PTH2R: variants seen among roughly 807,000 people sequenced by gnomAD.
PTH2R encodes the protein PTH2 receptor.
A neutral mutation model predicts 60.3 loss-of-function variants in PTH2R; 59 were observed. That is an observed-to-expected ratio of 0.98 (90% CI 0.79 to 1.22). The LOEUF (loss-of-function observed/expected upper bound fraction) is 1.22. PTH2R is among the 50% of genes most tolerant of loss of function. The probability of loss-of-function intolerance (pLI) is 0.00; values close to 1 mark genes in which losing one functional copy is unlikely to be tolerated. For missense variants in PTH2R, 749 were observed against 682.6 expected (o/e 1.10, Z -1.08); for synonymous variants, 256 against 243.8 (o/e 1.05, Z -0.47).
In PTH2R at chr2:208,488,419, G is replaced by A. The variant is rs181794677; in HGVS notation, c.1077-593G>A. Reference sequence around the variant, plus strand: ...CTATGAAAGTAAAGGCAGTTAATCTGGATAGAAGTAACACTTCTTTAAGTC... The same window carrying A: ...CTATGAAAGTAAAGGCAGTTAATCTAGATAGAAGTAACACTTCTTTAAGTC... On this transcript the variant is annotated intron_variant, in intron 10 of 12. Transcript: ENST00000272847. 3.9e-5 allele frequency among the ~76,000 whole-genome samples: 6 copies of A among 152,268 alleles called. No individual in the cohort carries two copies. The South Asian group carries it at 6.2e-4, about 16-fold the overall frequency.
At chr2:208,457,303 G>T (rs1042017206) in intron 8 of PTH2R, among the ~76,000 whole-genome samples, 47 of 152,164 alleles carry the variant, frequency 3.1e-4, no homozygotes, top group Admixed American at 2.8e-3. Context: ...ACAGATACAT[G>T]TAAACAATGC....
intron 1 of PTH2R, among the ~76,000 whole-genome samples, chr2:208,418,534 C>T (rs372766354): frequency 2.0e-5 from 3 of 151,836 alleles, no homozygotes; most frequent in African/African-American, 4.8e-5. Flanking sequence ...TAACACCCAT[C>T]CATGAAAGAA....
chr2:208,473,005 A>G (rs1702919376), intron 9 of PTH2R, among the ~76,000 whole-genome samples: 1 of 152,254 alleles, frequency 6.6e-6, no homozygotes, highest in Non-Finnish European at 1.5e-5. Context: ...GATTTAAGCT[A>G]GAGCAGTGTT....
At chr2:208,421,548 A>G (rs1701757287) in intron 1 of PTH2R, among the ~76,000 whole-genome samples, 1 of 152,152 alleles carries the variant, frequency 6.6e-6, no homozygotes, top group Non-Finnish European at 1.5e-5. Context: ...ATTTTTCTCA[A>G]AACTATAATG....
chr2:208,459,492 A>G (rs2105887251), intron 8 of PTH2R, among the ~76,000 whole-genome samples: 1 of 152,282 alleles, frequency 6.6e-6, no homozygotes, highest in South Asian at 2.1e-4. Flanking sequence ...GTAAAATAGA[A>G]TTGCTGTAAT....
chr2:208,409,503 T>C (rs1331259329), intron 1 of PTH2R, among the ~76,000 whole-genome samples: 1 of 152,216 alleles, frequency 6.6e-6, no homozygotes, highest in Non-Finnish European at 1.5e-5. Flanking sequence ...TTTTTTAGCA[T>C]ACCCAGTTAA....
chr2:208,416,703 G>T (rs4599045), intron 1 of PTH2R, among the ~76,000 whole-genome samples: 29,318 of 152,124 alleles, frequency 0.19, 3,117 homozygotes, highest in South Asian at 0.26. Flanking sequence ...GGCTGGGAAA[G>T]GCAGACCCAC....
At chr2:208,443,247 TG>T in intron 5 of PTH2R, 100 bp from the exon 6 acceptor site, 1 of 1,025,288 alleles carries the variant, frequency 9.8e-7, no homozygotes, top group Non-Finnish European at 1.4e-6. Context: ...CAGTCCCTGC[TG>T]GAGGGGAGCA....
intron 9 of PTH2R, 84 bp from the exon 10 acceptor site, chr2:208,480,986 T>G: frequency 9.9e-7 from 1 of 1,007,234 alleles, no homozygotes; most frequent in Non-Finnish European, 1.5e-6. Flanking sequence ...CTTATTTGAA[T>G]GGAAAAAATT....
chr2:208,462,662 A>C (rs1181418643), intron 9 of PTH2R, among the ~76,000 whole-genome samples: 1 of 152,232 alleles, frequency 6.6e-6, no homozygotes, highest in Non-Finnish European at 1.5e-5. Flanking sequence ...AAGCATGATT[A>C]ACATTCAGGA....
At chr2:208,376,259 G>A (rs1700789002) in intron 1 of PTH2R, among the ~76,000 whole-genome samples, 1 of 152,060 alleles carries the variant, frequency 6.6e-6, no homozygotes, top group African/African-American at 2.4e-5. Context: ...CTTTTTAAAT[G>A]TAAACTAGCA....
At chr2:208,479,064 T>C (rs1703086363) in intron 9 of PTH2R, among the ~76,000 whole-genome samples, 1 of 152,212 alleles carries the variant, frequency 6.6e-6, no homozygotes, top group South Asian at 2.1e-4. Flanking sequence ...ATGTCATGTG[T>C]GTATTTTGTT....
At chr2:208,373,599 G>T (rs1241505927) in intron 1 of PTH2R, among the ~76,000 whole-genome samples, 1 of 152,114 alleles carries the variant, frequency 6.6e-6, no homozygotes, top group African/African-American at 2.4e-5. Context: ...GAGGAAGAGG[G>T]TATTTGCAGG....
Position 208,442,249 on chromosome 2 carries a change from G to C in PTH2R, c.412-115G>C, listed in dbSNP as rs1305186244. 6.3e-6 allele frequency: 5 copies of C among 794,640 alleles called. No homozygotes were observed. The Admixed American group carries it at 1.1e-4, about 17-fold the overall frequency. 49.2% of individuals were successfully genotyped at this position (794,640 alleles called of 1,614,324 possible). On this transcript the variant is annotated intron_variant, in intron 4 of 12. Transcript: ENST00000272847. ...TACATTTTATTGCATGCAAATTACA[G>C]CTTAAAAAAGTTAAAGAGAATTAGA...
Position 208,460,007 on chromosome 2 carries a change from C to A in PTH2R, c.981+46C>A, listed in dbSNP as rs571708501. 9.2e-5 allele frequency: 140 copies of A among 1,521,214 alleles called. 2 individuals are homozygous for A. In the South Asian group the frequency reaches 1.5e-3, roughly 16 times the overall value. 94.2% of individuals were successfully genotyped at this position (1,521,214 alleles called of 1,614,324 possible). A position where few individuals can be genotyped will look rare whatever the true frequency, so the allele number is the denominator to read the frequency against. ...AGTTAAAAAAGGGATGAAAAATTAA[C>A]CTGCTGCTAAAACCCAGAGAAAGTG... On this transcript the variant is annotated intron_variant, in intron 9 of 12. Coordinates refer to ENST00000272847, the MANE Select transcript of PTH2R (RefSeq NM_005048.4).
intron 1 of PTH2R, among the ~76,000 whole-genome samples, chr2:208,361,760 CCT>C (rs1491432752): frequency 4.1e-4 from 61 of 149,594 alleles, no homozygotes; most frequent in African/African-American, 1.5e-3. Flanking sequence ...GTCAAGATTT[CCT>C]TTTTTTTTTT....
At chr2:208,396,705 G>A (rs533860428) in intron 1 of PTH2R, among the ~76,000 whole-genome samples, 3 of 152,212 alleles carry the variant, frequency 2.0e-5, no homozygotes, top group African/African-American at 7.2e-5. Context: ...TACGCTGTTG[G>A]TGGGAGTGTA....
At chr2:208,460,294 C>T (rs1217800583) in intron 9 of PTH2R, among the ~76,000 whole-genome samples, 2 of 152,020 alleles carry the variant, frequency 1.3e-5, no homozygotes, top group African/African-American at 2.4e-5. Flanking sequence ...ATTCTGATCA[C>T]CTGGTAGTAG....
At chr2:208,438,481 T>C (rs1702121684) in intron 4 of PTH2R, among the ~76,000 whole-genome samples, 1 of 152,164 alleles carries the variant, frequency 6.6e-6, no homozygotes, top group Non-Finnish European at 1.5e-5. Flanking sequence ...CAAGAGGGTT[T>C]AATGTAGAGC....
Sources: allele counts gnomAD v4.1 joint callset (sites outside exome capture counted in the v4.1 genomes callset), GRCh38; gene constraint gnomAD v4.1.1; transcripts MANE v1.5; gene names NCBI Gene and HGNC (gene_info 2026-07-23, HGNC 2026-07-21).